ACSL1: variants seen among roughly 807,000 people sequenced by gnomAD.
ACSL1 encodes long-chain-fatty-acid--CoA ligase 1.
ACSL1 carries 41 observed loss-of-function variants against 98.4 expected under a neutral mutation model. The ratio of observed to expected loss-of-function variants is 0.42; its 90% CI spans 0.32 to 0.54. The LOEUF is 0.54. ACSL1 is among the 20% of genes least tolerant of loss of function. ACSL1 has a pLI of 0.13. For synonymous variants in ACSL1, 316 were observed against 322.7 expected, an observed-to-expected ratio of 0.98 and a Z score of 0.22; for missense variants, 734 against 883.1, an observed-to-expected ratio of 0.83 and a Z score of 2.14.
At chr4:184,824,625 G>A (rs1192603459) in intron 1 of ACSL1, among the ~76,000 whole-genome samples, 3 of 152,130 alleles carry the variant, frequency 2.0e-5, no homozygotes, top group Non-Finnish European at 4.4e-5. Flanking sequence ...CTAGGGAGGT[G>A]TTTTCCGAGT....
chr4:184,804,575 C>G (rs72695676), intron 1 of ACSL1, among the ~76,000 whole-genome samples: 1 of 148,706 alleles, frequency 6.7e-6, no homozygotes, highest in Non-Finnish European at 1.5e-5. Flanking sequence ...AGTGAGACCC[C>G]GTCTCAAAAA....
intron 1 of ACSL1, among the ~76,000 whole-genome samples, chr4:184,811,275 ATTT>A (rs371577009): frequency 1.9e-4 from 29 of 149,066 alleles, no homozygotes; most frequent in South Asian, 4.3e-4. Context: ...CGCCTGGCTA[ATTT>A]TTTTTTTGTA....
intron 12 of ACSL1, among the ~76,000 whole-genome samples, chr4:184,767,061 C>G (rs1252817770): frequency 6.6e-6 from 1 of 152,088 alleles, no homozygotes; most frequent in Non-Finnish European, 1.5e-5. Flanking sequence ...GTGGGCAGAT[C>G]TCCTGAGCTC....
At chr4:184,771,114 A>T (rs1231713430) in intron 10 of ACSL1, among the ~76,000 whole-genome samples, 1 of 152,020 alleles carries the variant, frequency 6.6e-6, no homozygotes, top group Admixed American at 6.6e-5. Context: ...ACAGAGTGAG[A>T]CTCTGAATCA....
rs754212694 is a variant in ACSL1 at position 184,770,341 on chromosome 4, CACA to C, written c.993+55_993+57del. 1.2e-5 allele frequency: 19 copies of C among 1,599,466 alleles called. No homozygotes were observed. The East Asian group carries it at 3.5e-4, about 29-fold the overall frequency. On this transcript the variant is annotated intron_variant, in intron 11 of 20. Transcript: ENST00000281455. ...CTCAAGGGAAGTGCTTTCTGTAAAA[CACA>C]ACAACTTAGCAGAACATACACAAAC... is the stretch of plus-strand genomic sequence containing the variant.
Position 184,803,928 on chromosome 4 carries a change from A to G in ACSL1, c.-32-382T>C, listed in dbSNP as rs1343716386. On this transcript the variant is annotated intron_variant, in intron 1 of 20. Coordinates refer to ENST00000281455, the MANE Select transcript of ACSL1 (RefSeq NM_001995.5). The surrounding 1 kb of genome is among the most constrained non-coding windows in gnomAD (Gnocchi z 4.8). ...CCATCCACCTAATCAAAAACACTCG[A>G]CTCTCATTGTCAAGGCTAATGGGAA... is the stretch of plus-strand genomic sequence containing the variant. Among the ~76,000 whole-genome samples the G allele has an allele frequency of 6.6e-6, 1 of 152,082 alleles. No homozygotes were observed.
intron 2 of ACSL1, among the ~76,000 whole-genome samples, chr4:184,794,968 C>T (rs1018820906): frequency 2.0e-5 from 3 of 152,048 alleles, no homozygotes; most frequent in Admixed American, 6.6e-5. Flanking sequence ...AGGAGGCTGA[C>T]ACGGTACTTC....
At chr4:184,818,123 C>T (rs1331855147) in intron 1 of ACSL1, among the ~76,000 whole-genome samples, 2 of 152,196 alleles carry the variant, frequency 1.3e-5, no homozygotes, top group African/African-American at 2.4e-5. Flanking sequence ...TAAGGTCCCC[C>T]GCCAGCTCCC....
chr4:184,767,812 T>C (rs868073141), intron 12 of ACSL1, among the ~76,000 whole-genome samples: 2 of 152,230 alleles, frequency 1.3e-5, no homozygotes, highest in South Asian at 2.1e-4. Context: ...CACGCAATGA[T>C]ACCCACCGCA....
chr4:184,792,564 G>A (rs1409612821), intron 2 of ACSL1, among the ~76,000 whole-genome samples: 1 of 152,108 alleles, frequency 6.6e-6, no homozygotes, highest in Non-Finnish European at 1.5e-5. Context: ...TTAGCCTCCT[G>A]AGTAGCTGAA....
intron 1 of ACSL1, among the ~76,000 whole-genome samples, chr4:184,820,601 A>AACTTTCTT (rs1208782282): frequency 6.6e-6 from 1 of 151,634 alleles, no homozygotes. Context: ...TATAACCTGG[A>AACTTTCTT]ACTTTCTTTT....
chr4:184,782,331 A>G (rs1164498865), intron 4 of ACSL1, among the ~76,000 whole-genome samples: 3 of 141,592 alleles, frequency 2.1e-5, no homozygotes, highest in African/African-American at 7.9e-5. Flanking sequence ...TGGATGACTG[A>G]AAAAAAAAAA....
intron 10 of ACSL1, among the ~76,000 whole-genome samples, chr4:184,771,950 T>C (rs1764578955): frequency 6.6e-6 from 1 of 152,232 alleles, no homozygotes. Flanking sequence ...TATATTAATA[T>C]AATGAGAAAT....
In ACSL1 at chr4:184,783,929, G is replaced by C; in HGVS notation, c.373C>G (p.Gln125Glu). Residue 125 changes from glutamine (Q) to glutamate (E), a missense_variant and splice_region_variant, in exon 4 of 21, where the codon CAG becomes GAG. Coordinates refer to ENST00000281455, the MANE Select transcript of ACSL1 (RefSeq NM_001995.5). ...GAGCCTGTCTCATACAAACTCACCT[G>C]TTTATATGAAAGCCATTCATAGGGT... ...DQPYEWLSYKQVAELSECIGS... is the reference protein window; with the variant it reads ...DQPYEWLSYKEVAELSECIGS... The C allele has an allele frequency of 6.2e-7, 1 of 1,612,942 alleles. No individual in the cohort carries two copies. The highest frequency in any genetic ancestry group is 8.5e-7 in the Non-Finnish European group (1 of 1,179,336).
intron 11 of ACSL1, among the ~76,000 whole-genome samples, chr4:184,769,718 G>A (rs1052180327): frequency 6.6e-6 from 1 of 152,202 alleles, no homozygotes; most frequent in Non-Finnish European, 1.5e-5. Context: ...ACACAGCAGA[G>A]GGCACACAGC....
At chr4:184,813,608 A>G (rs1262065859) in intron 1 of ACSL1, 7 of 293,728 alleles carry the variant, frequency 2.4e-5, no homozygotes, top group Non-Finnish European at 5.0e-5. Flanking sequence ...AGCATGTTCT[A>G]AGGGTATTAG....
chr4:184,779,973 A>T (rs1025188955), intron 5 of ACSL1, among the ~76,000 whole-genome samples: 9 of 151,980 alleles, frequency 5.9e-5, no homozygotes, highest in African/African-American at 2.2e-4. Flanking sequence ...CCCGGATTCA[A>T]GCGATTCTCC....
intron 1 of ACSL1, among the ~76,000 whole-genome samples, chr4:184,804,572 C>T (rs1231060950): frequency 6.6e-6 from 1 of 150,476 alleles, no homozygotes; most frequent in Non-Finnish European, 1.5e-5. Flanking sequence ...CAAAGTGAGA[C>T]CCCGTCTCAA....
intron 5 of ACSL1, among the ~76,000 whole-genome samples, chr4:184,777,560 T>G (rs1765498704): frequency 1.5e-5 from 2 of 135,784 alleles, no homozygotes; most frequent in African/African-American, 2.8e-5. Flanking sequence ...GAGGAGAGAT[T>G]GAGAAAGAAA....
Sources: allele counts gnomAD v4.1 joint callset (sites outside exome capture counted in the v4.1 genomes callset), GRCh38; gene constraint gnomAD v4.1.1; non-coding constraint Gnocchi (gnomAD v3.1); transcripts MANE v1.5; gene names NCBI Gene and HGNC (gene_info 2026-07-23, HGNC 2026-07-21).